The following PLCG2 variants were observed in gnomAD, a reference collection of about 807,000 sequenced individuals.
PLCG2 encodes phospholipase C gamma 2, also known as 1-phosphatidylinositol 4,5-bisphosphate phosphodiesterase gamma-2.
PLCG2 carries 69 observed loss-of-function variants against 175.6 expected under a neutral mutation model. The observed-to-expected ratio is 0.39, with a 90% CI of 0.32 to 0.48. PLCG2 has a LOEUF of 0.48. Ranked by LOEUF, PLCG2 falls within the 20% of genes least tolerant of loss-of-function variation. The pLI is 0.91. For missense variants in PLCG2, 1,798 were observed against 1,650.9 expected (o/e 1.09, Z -1.54); for synonymous variants, 827 against 624.0 (o/e 1.33, Z -4.85).
intron 2 of PLCG2, among the ~76,000 whole-genome samples, chr16:81,787,427 C>T (rs1911025066): frequency 1.1e-5 from 1 of 94,000 alleles, no homozygotes. Context: ...GATGGGATCT[C>T]ACTATGTCCA....
chr16:81,751,893 G>A (rs1381959974), intron 1 of PLCG2, among the ~76,000 whole-genome samples: 8 of 152,020 alleles, frequency 5.3e-5, no homozygotes, highest in Non-Finnish European at 7.4e-5. Flanking sequence ...ATGGTGGCAG[G>A]CGTCTGTAAT....
intron 2 of PLCG2, among the ~76,000 whole-genome samples, chr16:81,761,213 A>G (rs1259338889): frequency 2.0e-5 from 3 of 152,034 alleles, no homozygotes; most frequent in African/African-American, 7.2e-5. Context: ...AATGTTTTTA[A>G]AGTTAGCTGG....
In PLCG2 at chr16:81,860,351, A is replaced by C. The variant is rs116308929; in HGVS notation, c.479+1188A>C. On this transcript the variant is annotated intron_variant, in intron 5 of 32. Transcript: ENST00000564138. ...TTACTGTGATTAATGCTGCTGTGGA[A>C]ACCTTTGGGTCTATCTTTCTGTAAA... 7.0e-3 allele frequency among the ~76,000 whole-genome samples: 1,070 copies of C among 152,112 alleles called. 15 individuals are homozygous for C. The highest frequency in any genetic ancestry group is 0.023 in the African/African-American group (963 of 41,456).
chr16:81,745,756 G>A (rs986362500), intron 1 of PLCG2, among the ~76,000 whole-genome samples: 2 of 152,206 alleles, frequency 1.3e-5, no homozygotes, highest in Non-Finnish European at 2.9e-5. Flanking sequence ...ATTAGGGTCA[G>A]GGGGGAGCTT....
intron 2 of PLCG2, among the ~76,000 whole-genome samples, chr16:81,774,218 T>C (rs1409878477): frequency 1.5e-5 from 2 of 137,120 alleles, no homozygotes; most frequent in Admixed American, 7.8e-5. Context: ...GGCGTGGTGA[T>C]GCACGCCTGT....
chr16:81,743,257 G>A (rs1326261117), intron 1 of PLCG2, among the ~76,000 whole-genome samples: 1 of 152,238 alleles, frequency 6.6e-6, no homozygotes, highest in African/African-American at 2.4e-5. Flanking sequence ...AGGCTAAGGT[G>A]GGAGGTTCAC....
chr16:81,869,123 G>A (rs1489786297), intron 5 of PLCG2, 91 bp from the exon 6 acceptor site: 5 of 876,612 alleles, frequency 5.7e-6, no homozygotes, highest in Non-Finnish European at 9.6e-6. Context: ...TCTCATAGAG[G>A]GCTGCCTGAG....
In PLCG2 at chr16:81,931,496, G is replaced by A; in HGVS notation, c.2582-1G>A. On this transcript the variant is annotated splice_acceptor_variant, in intron 24 of 32. Transcript: ENST00000564138. LOFTEE classifies it high-confidence loss of function. ...GACATTTCTTATTCTCTTACCCCAAGTGAAAGCCCCTCAGGGAAAAAACCA... is the reference window on the plus strand; with the variant it reads ...GACATTTCTTATTCTCTTACCCCAAATGAAAGCCCCTCAGGGAAAAAACCA... The A allele has an allele frequency of 1.2e-6, 2 of 1,613,822 alleles. No individual in the cohort carries two copies. The highest frequency in any genetic ancestry group is 8.5e-7 in the Non-Finnish European group (1 of 1,179,832).
chr16:81,862,488 C>T (rs59222730), intron 5 of PLCG2, among the ~76,000 whole-genome samples: 4 of 152,232 alleles, frequency 2.6e-5, no homozygotes, highest in Non-Finnish European at 4.4e-5. Context: ...TTGACTAAAG[C>T]AGCCCAGGTT....
At chr16:81,938,758 C>T (rs756744100) in intron 28 of PLCG2, 43 bp from the exon 29 acceptor site, 1 of 1,237,446 alleles carries the variant, frequency 8.1e-7, no homozygotes, top group Non-Finnish European at 1.2e-6. Context: ...GCTGCCTGTT[C>T]AGGACCCCAG....
intron 5 of PLCG2, among the ~76,000 whole-genome samples, chr16:81,861,730 A>G (rs1471091258): frequency 6.6e-6 from 1 of 152,110 alleles, no homozygotes; most frequent in Non-Finnish European, 1.5e-5. Context: ...CAGGGCTGAG[A>G]GAGGGAGCCA....
Position 81,927,082 on chromosome 16 carries a change from G to A in PLCG2, c.2418G>A (p.Trp806Ter). 6.2e-7 allele frequency: 1 copy of A among 1,607,280 alleles called. No homozygotes were observed. Among genetic ancestry groups the A allele is most frequent in the Non-Finnish European group, 8.5e-7 (1 of 1,173,782 alleles). Residue 806 changes from tryptophan (W) to a stop codon, truncating the protein, a stop_gained and splice_region_variant, in exon 23 of 33, where the codon TGG becomes TGA. Transcript: ENST00000564138. LOFTEE classifies it high-confidence loss of function. ...IHNVSKEPGG[W>*]WKGDYGTRIQ... is the part of the protein sequence containing the mutation. Reference sequence around the variant, plus strand: ...CCCCATGTCCTCTCTTCTTATCCAGGTGGAAAGGAGACTATGGAACCAGGA... The same window carrying A: ...CCCCATGTCCTCTCTTCTTATCCAGATGGAAAGGAGACTATGGAACCAGGA...
intron 9 of PLCG2, among the ~76,000 whole-genome samples, chr16:81,885,461 G>A (rs1482255648): frequency 6.6e-6 from 1 of 152,148 alleles, no homozygotes; most frequent in Non-Finnish European, 1.5e-5. Flanking sequence ...ACTGTGCCCG[G>A]CCCACTTTGC....
chr16:81,745,760 G>A (rs1004204934), intron 1 of PLCG2, among the ~76,000 whole-genome samples: 34 of 152,226 alleles, frequency 2.2e-4, no homozygotes, highest in Non-Finnish European at 3.8e-4. Flanking sequence ...GGGTCAGGGG[G>A]GAGCTTGGCC....
intron 12 of PLCG2, among the ~76,000 whole-genome samples, chr16:81,895,342 T>G (rs1908833569): frequency 1.3e-5 from 2 of 152,110 alleles, no homozygotes; most frequent in African/African-American, 4.8e-5. Flanking sequence ...GGATGGATCA[T>G]GAGGTCAGGA....
At position 81,880,190 on chromosome 16, in the gene PLCG2, A is replaced by G. The variant is rs73594889; in HGVS notation, c.649-720A>G. 3.0e-3 allele frequency among the ~76,000 whole-genome samples: 464 copies of G among 152,330 alleles called. 3 individuals are homozygous for G. The highest frequency in any genetic ancestry group is 0.011 in the African/African-American group (446 of 41,578). ...CAGGAGAGTGAGGCTGTGGTGAACT[A>G]TGGTCGTGCCACTGCACTCCAGCCT... On this transcript the variant is annotated intron_variant, in intron 7 of 32. Coordinates refer to ENST00000564138, the MANE Select transcript of PLCG2 (RefSeq NM_002661.5).
In PLCG2 at chr16:81,931,484, C is replaced by T. The variant is rs768351134; in HGVS notation, c.2582-13C>T. 12 of 1,613,056 alleles carry T rather than the reference C, an allele frequency of 7.4e-6. No individual in the cohort carries two copies. Among genetic ancestry groups the T allele is most frequent in the Non-Finnish European group, 1.0e-5 (12 of 1,179,378 alleles). ...TAGGCTGATTGGGACATTTCTTATT[C>T]TCTTACCCCAAGTGAAAGCCCCTCA... is the stretch of plus-strand genomic sequence containing the variant. On this transcript the variant is annotated splice_polypyrimidine_tract_variant and intron_variant, in intron 24 of 32. Transcript: ENST00000564138.
chr16:81,774,275 A>G (rs557075178), intron 2 of PLCG2, among the ~76,000 whole-genome samples: 65 of 148,186 alleles, frequency 4.4e-4, no homozygotes, highest in African/African-American at 1.5e-3. Flanking sequence ...ACTTGAGCCC[A>G]GGAGGCAGAG....
chr16:81,862,573 T>C (rs1361621346), intron 5 of PLCG2, among the ~76,000 whole-genome samples: 1 of 152,178 alleles, frequency 6.6e-6, no homozygotes, highest in Non-Finnish European at 1.5e-5. Flanking sequence ...TTTTTCTTTT[T>C]TTAAATGTGC....
Sources: gnomAD v4.1 joint callset for allele counts (sites outside exome capture counted in the v4.1 genomes callset) on GRCh38, gnomAD v4.1.1 for gene constraint, MANE v1.5 for transcripts, NCBI Gene and HGNC (gene_info 2026-07-23, HGNC 2026-07-21) for gene names.